Variants in ABCA1 observed in about 807,000 individuals in gnomAD.
ABCA1 encodes the protein phospholipid-transporting ATPase ABCA1.
A neutral mutation model predicts 262.5 loss-of-function variants in ABCA1; 133 were observed. The observed-to-expected ratio is 0.51, with a 90% CI of 0.44 to 0.59. The LOEUF is 0.59. ABCA1 is among the 20% of genes least tolerant of loss of function. The pLI is 0.00. For missense variants in ABCA1, 2,452 were observed against 2,777.5 expected, an observed-to-expected ratio of 0.88 and a Z score of 2.63; for synonymous variants, 1,022 against 1,043.5, an observed-to-expected ratio of 0.98 and a Z score of 0.40.
In ABCA1 at chr9:104,824,483, G is replaced by T. The variant is rs754721154; in HGVS notation, c.2638C>A (p.Gln880Lys). The T allele has an allele frequency of 1.2e-6, 2 of 1,614,016 alleles. No homozygotes were observed. The highest frequency in any genetic ancestry group is 1.7e-6 in the Non-Finnish European group (2 of 1,180,032). ...CACTTACTTTCTGATATTCTCTTCT[G>T]GTTGGAACCAGGGTGGCTCTTCTCA... ...SDEKSHPGSN[Q>K]KRISEICMEE... Residue 880 changes from glutamine (Q) to lysine (K), a missense_variant, in exon 18 of 50, where the codon CAG becomes AAG. Physicochemically the swap from Gln to Lys is moderately conservative, Grantham distance 53. Coordinates refer to ENST00000374736, the MANE Select transcript of ABCA1 (RefSeq NM_005502.4).
chr9:104,862,659 C>CGGGCAGGGCAGGGCA lies in ABCA1; in HGVS notation c.422-860_422-859insTGCCCTGCCCTGCCC, dbSNP rs1836628479. ...CGGGCCGGGCCGGGCCGGGCCGGGC[C>CGGGCAGGGCAGGGCA]GGGCCGGGCCGGGCCGGGCCGGGCC... On this transcript the variant is annotated intron_variant, in intron 5 of 49. Coordinates refer to ENST00000374736, the MANE Select transcript of ABCA1 (RefSeq NM_005502.4). Among the ~76,000 whole-genome samples the CGGGCAGGGCAGGGCA allele has an allele frequency of 2.0e-4, 2 of 9,846 alleles. 1 individual carries two copies. The highest frequency in any genetic ancestry group is 6.2e-4 in the African/African-American group (2 of 3,218). The allele number at this position is 9,846 out of a possible 152,430, so 6.5% of individuals were successfully genotyped here.
At chr9:104,827,632 T>C (rs943020796) in intron 15 of ABCA1, among the ~76,000 whole-genome samples, 3 of 152,208 alleles carry the variant, frequency 2.0e-5, no homozygotes, top group Admixed American at 6.5e-5. Context: ...ATCCAAACTC[T>C]TGTGGATATT....
rs186086881 is a variant in ABCA1, at chr9:104,862,649, C to T, written c.422-849G>A. Among the ~76,000 whole-genome samples the T allele has an allele frequency of 2.3e-3, 27 of 11,698 alleles. 8 individuals are homozygous for T. The highest frequency in any genetic ancestry group is 2.9e-3 in the Non-Finnish European group (16 of 5,424). The allele number at this position is 11,698 out of a possible 152,430, so 7.7% of individuals were successfully genotyped here. ...TGCAGACTGCCGGGCCGGGCCGGGC[C>T]GGGCCGGGCCGGGCCGGGCCGGGCC... On this transcript the variant is annotated intron_variant, in intron 5 of 49. Transcript: ENST00000374736.
intron 12 of ABCA1, among the ~76,000 whole-genome samples, chr9:104,832,050 T>C (rs1833386816): frequency 6.6e-6 from 1 of 152,238 alleles, no homozygotes; most frequent in African/African-American, 2.4e-5. Context: ...ATATGTTATT[T>C]ATTGATTTTG....
intron 1 of ABCA1, among the ~76,000 whole-genome samples, chr9:104,905,127 T>C (rs1410741043): frequency 1.3e-5 from 2 of 152,202 alleles, no homozygotes; most frequent in Non-Finnish European, 2.9e-5. Flanking sequence ...CTAGCTGTGC[T>C]TATGAAATGG....
chr9:104,809,934 A>T (rs1024369652), intron 29 of ABCA1, among the ~76,000 whole-genome samples: 1 of 152,044 alleles, frequency 6.6e-6, no homozygotes, highest in Admixed American at 6.5e-5. Flanking sequence ...GACAAGCAGG[A>T]TTTTCCAAGA....
intron 5 of ABCA1, among the ~76,000 whole-genome samples, chr9:104,879,327 A>G (rs1194083070): frequency 6.6e-6 from 1 of 152,214 alleles, no homozygotes; most frequent in Non-Finnish European, 1.5e-5. Flanking sequence ...TATAGTTTAC[A>G]TTTCAAGTTA....
chr9:104,891,576 C>T (rs1467009654), intron 2 of ABCA1, among the ~76,000 whole-genome samples: 3 of 151,676 alleles, frequency 2.0e-5, no homozygotes, highest in African/African-American at 4.8e-5. Flanking sequence ...TGCAGTGAGC[C>T]GAGATCACTG....
chr9:104,905,894 C>T (rs1164019399), intron 1 of ABCA1, among the ~76,000 whole-genome samples: 5 of 152,176 alleles, frequency 3.3e-5, no homozygotes, highest in South Asian at 2.1e-4. Context: ...GAATTAGCCC[C>T]GGCTTCCCAA....
intron 8 of ABCA1, among the ~76,000 whole-genome samples, chr9:104,842,900 T>A (rs191111506): frequency 2.0e-5 from 3 of 152,150 alleles, no homozygotes; most frequent in Non-Finnish European, 4.4e-5. Context: ...CACCTCCTCC[T>A]GCTCTGAGCT....
rs1832881071 is a variant in ABCA1, at chr9:104,827,186, AC to A, written c.2116-18del. 6.2e-7 allele frequency: 1 copy of A among 1,602,594 alleles called. No individual in the cohort carries two copies. Among genetic ancestry groups the A allele is most frequent in the Non-Finnish European group, 8.5e-7 (1 of 1,169,832 alleles). ...GTTTCCTAACTGGGAAGGAAGAGAC[AC>A]ATCAAATGTGCTGCCTCAACAATCC... is the stretch of plus-strand genomic sequence containing the variant. On this transcript the variant is annotated intron_variant, in intron 15 of 49. Coordinates refer to ENST00000374736, the MANE Select transcript of ABCA1 (RefSeq NM_005502.4).
chr9:104,830,080 C>T (rs1014958851), intron 14 of ABCA1, among the ~76,000 whole-genome samples: 8 of 152,102 alleles, frequency 5.3e-5, no homozygotes, highest in Non-Finnish European at 1.0e-4. Context: ...CACCTCCGCC[C>T]ATTGTCTTAG....
At chr9:104,830,858 C>T in intron 14 of ABCA1, 67 bp downstream of exon 14, 2 of 1,558,028 alleles carry the variant, frequency 1.3e-6, no homozygotes, top group African/African-American at 1.4e-5. Context: ...CACATGCACA[C>T]ACATATATAC....
chr9:104,822,708 A>G, intron 18 of ABCA1, 41 bp from the exon 19 acceptor site: 4 of 1,610,192 alleles, frequency 2.5e-6, no homozygotes, highest in Non-Finnish European at 3.4e-6. Context: ...CACAGAAAGC[A>G]CTGAGGAGTG....
chr9:104,825,925 G>A, intron 16 of ABCA1, 38 bp from the exon 17 acceptor site: 1 of 1,604,140 alleles, frequency 6.2e-7, no homozygotes, highest in Non-Finnish European at 8.5e-7. Context: ...CCATTTCCTG[G>A]TCAGTCTCAT....
At chr9:104,910,242 G>C (rs774496916) in intron 1 of ABCA1, among the ~76,000 whole-genome samples, 10 of 152,154 alleles carry the variant, frequency 6.6e-5, no homozygotes, top group Non-Finnish European at 8.8e-5. Context: ...TGCTCCATTT[G>C]ACTGTCGTAT....
chr9:104,801,313 G>A (rs958284841), intron 34 of ABCA1, among the ~76,000 whole-genome samples: 8 of 151,840 alleles, frequency 5.3e-5, no homozygotes, highest in African/African-American at 9.7e-5. Flanking sequence ...TCCGCCTCCC[G>A]GGTTCAAGTA....
Position 104,792,851 on chromosome 9 carries a change from C to CCCGCCTCACATCTTCA in ABCA1, c.5676_5691dup (p.Glu1898Ter), listed in dbSNP as rs1829543518. 6.2e-7 allele frequency: 1 copy of CCCGCCTCACATCTTCA among 1,614,004 alleles called. No individual in the cohort carries two copies. The highest frequency in any genetic ancestry group is 8.5e-7 in the Non-Finnish European group (1 of 1,180,020). On this transcript the variant is annotated stop_gained and frameshift_variant, in exon 42 of 50. Transcript: ENST00000374736. LOFTEE classifies it high-confidence loss of function. ...CCACCATCAAGAATTCTCTGTCTTT[C>CCCGCCTCACATCTTCA]CCGCCTCACATCTTCATCTTCATCA...
intron 40 of ABCA1, among the ~76,000 whole-genome samples, chr9:104,793,999 G>A (rs976663279): frequency 6.6e-6 from 1 of 152,186 alleles, no homozygotes; most frequent in Non-Finnish European, 1.5e-5. Context: ...GCAGGCACAT[G>A]ATTCGCCTAA....
Sources: allele counts gnomAD v4.1 joint callset (sites outside exome capture counted in the v4.1 genomes callset), GRCh38; gene constraint gnomAD v4.1.1; transcripts MANE v1.5; gene names NCBI Gene and HGNC (gene_info 2026-07-23, HGNC 2026-07-21).